Variants in NWD2 observed in about 807,000 individuals in gnomAD.
The protein encoded by NWD2 is NACHT and WD repeat domain-containing protein 2.
Under a neutral mutation model 132.7 loss-of-function variants are expected in NWD2, and 37 were observed. The ratio of observed to expected loss-of-function variants is 0.28; its 90% CI spans 0.21 to 0.37. NWD2 has a LOEUF of 0.37. Among genes scored for constraint, NWD2 ranks in the 10% least tolerant of loss-of-function variants. The pLI, the probability that NWD2 is intolerant of heterozygous loss-of-function variation, is 1.00. For missense variants in NWD2, 1,592 were observed against 2,122.4 expected, an observed-to-expected ratio of 0.75 and a Z score of 4.91; for synonymous variants, 705 against 803.0, an observed-to-expected ratio of 0.88 and a Z score of 2.06.
At position 37,344,387 on chromosome 4, in the gene NWD2, A is replaced by G. The variant is rs925928398; in HGVS notation, c.241-11979A>G. Among the ~76,000 whole-genome samples, 4 of 152,160 alleles carry G rather than the reference A, an allele frequency of 2.6e-5. No individual in the cohort carries two copies. In the East Asian group the frequency reaches 5.8e-4, roughly 22 times the overall value. ...TTCCCATAAAGACATATGGGAAAGAACAATTTAAGGGAGAAAAGCTGGAGG... is the reference window on the plus strand; with the variant it reads ...TTCCCATAAAGACATATGGGAAAGAGCAATTTAAGGGAGAAAAGCTGGAGG... On this transcript the variant is annotated intron_variant, in intron 2 of 6. Transcript: ENST00000309447.
intron 1 of NWD2, among the ~76,000 whole-genome samples, chr4:37,268,852 T>C (rs1270007493): frequency 6.6e-6 from 1 of 151,772 alleles, no homozygotes; most frequent in African/African-American, 2.4e-5. Context: ...AAGAGGCAAG[T>C]AAGTGGGCCA....
Position 37,444,752 on chromosome 4 carries a change from G to C in NWD2, c.2764G>C (p.Val922Leu). The C allele has an allele frequency of 5.2e-6, 8 of 1,551,930 alleles. No individual in the cohort carries two copies. The highest frequency in any genetic ancestry group is 7.0e-6 in the Non-Finnish European group (8 of 1,147,056). Residue 922 changes from valine (V) to leucine (L), a missense_variant, in exon 7 of 7, where the codon GTA (valine) becomes CTA (leucine). This residue lies in a region of NWD2 where 1,071 missense variants were observed against 1,398.0 expected (regional missense o/e 0.77). Transcript: ENST00000309447. This position sits in a 1 kb window ranked among gnomAD's most constrained non-coding sequence, Gnocchi z 4.8. ...GCTTCAGCAAAGACTGCTGCCTGTT[G>C]TAAGCTCCCTGCCCAAACTTAGACA... Reference protein sequence around the residue: ...AELQQRLLPVVSSLPKLRHLL... With the variant: ...AELQQRLLPVLSSLPKLRHLL...
intron 3 of NWD2, among the ~76,000 whole-genome samples, chr4:37,395,599 A>G (rs1720772548): frequency 6.7e-6 from 1 of 148,322 alleles, no homozygotes; most frequent in Non-Finnish European, 1.5e-5. Flanking sequence ...AAAAAAAAAA[A>G]AAAAAAAAAA....
intron 3 of NWD2, among the ~76,000 whole-genome samples, chr4:37,423,877 T>C (rs1711900921): frequency 6.6e-6 from 1 of 152,232 alleles, no homozygotes; most frequent in Admixed American, 6.5e-5. Flanking sequence ...AATTGACTTG[T>C]AATTTACTTC....
intron 1 of NWD2, 30 bp downstream of exon 1, chr4:37,245,248 G>C: frequency 6.6e-7 from 1 of 1,509,776 alleles, no homozygotes; most frequent in Non-Finnish European, 8.8e-7. Context: ...TTGCCCGTCC[G>C]TCCTTCTGTC....
chr4:37,345,456 CT>C (rs1230918681), intron 2 of NWD2, among the ~76,000 whole-genome samples: 1 of 152,096 alleles, frequency 6.6e-6, no homozygotes, highest in Non-Finnish European at 1.5e-5. Context: ...TTACTGATAA[CT>C]AATAATATTA....
intron 3 of NWD2, among the ~76,000 whole-genome samples, chr4:37,361,071 A>G (rs113694909): frequency 0.024 from 3,670 of 152,312 alleles, 55 homozygotes; most frequent in South Asian, 0.054. Context: ...CACAAACTAG[A>G]AAATCTAGAG....
intron 1 of NWD2, among the ~76,000 whole-genome samples, chr4:37,285,338 G>A (rs1718209790): frequency 6.6e-6 from 1 of 152,176 alleles, no homozygotes; most frequent in East Asian, 1.9e-4. Context: ...CTTTGGAATT[G>A]TTAGAGAAAA....
At chr4:37,395,023 G>C (rs1365451710) in intron 3 of NWD2, among the ~76,000 whole-genome samples, 1 of 151,072 alleles carries the variant, frequency 6.6e-6, no homozygotes, top group African/African-American at 2.4e-5. Context: ...ATGTTGGCCA[G>C]ACTGGTCTCA....
intron 2 of NWD2, among the ~76,000 whole-genome samples, chr4:37,347,290 T>C (rs1719656057): frequency 6.6e-6 from 1 of 152,140 alleles, no homozygotes; most frequent in South Asian, 2.1e-4. Flanking sequence ...TTCTGCTGTT[T>C]CTAGGTAGAT....
At chr4:37,409,262 A>G (rs975654007) in intron 3 of NWD2, among the ~76,000 whole-genome samples, 2 of 152,180 alleles carry the variant, frequency 1.3e-5, no homozygotes, top group South Asian at 4.2e-4. Context: ...AAAACCTTGA[A>G]AAAAGGTTAG....
intron 3 of NWD2, among the ~76,000 whole-genome samples, chr4:37,362,967 A>C (rs1720010745): frequency 6.6e-6 from 1 of 152,170 alleles, no homozygotes; most frequent in Non-Finnish European, 1.5e-5. Context: ...TGGAAGAAGC[A>C]AAAAAGACCA....
chr4:37,383,559 C>T (rs892350975), intron 3 of NWD2, among the ~76,000 whole-genome samples: 1 of 152,104 alleles, frequency 6.6e-6, no homozygotes, highest in East Asian at 1.9e-4. Context: ...GTTCTGATCT[C>T]GTAGGTTTCT....
Position 37,244,934 on chromosome 4 carries a change from C to G in NWD2, c.-134C>G. The G allele has an allele frequency of 8.3e-7, 1 of 1,208,778 alleles. No individual in the cohort carries two copies. Among genetic ancestry groups the G allele is most frequent in the Non-Finnish European group, 1.1e-6 (1 of 895,504 alleles). The allele number at this position is 1,208,778 out of a possible 1,614,324, so 74.9% of individuals were successfully genotyped here. A position where few individuals can be genotyped will look rare whatever the true frequency, so the allele number is the denominator to read the frequency against. On this transcript the variant is annotated 5_prime_UTR_variant, in exon 1 of 7. Transcript: ENST00000309447. This position sits in a 1 kb window ranked among gnomAD's most constrained non-coding sequence, Gnocchi z 5.5. Reference sequence around the variant, plus strand: ...GCCACGGAGCTCGCCAAAGGCGCTTCGGGCTCGGAGCGGCTCTGAGCCGCG... The same window carrying G: ...GCCACGGAGCTCGCCAAAGGCGCTTGGGGCTCGGAGCGGCTCTGAGCCGCG...
chr4:37,413,478 C>G (rs1721203300), intron 3 of NWD2, among the ~76,000 whole-genome samples: 1 of 152,128 alleles, frequency 6.6e-6, no homozygotes, highest in Non-Finnish European at 1.5e-5. Flanking sequence ...ACAACAGATG[C>G]TGGAGAGGAT....
chr4:37,329,477 C>A (rs557134487), intron 2 of NWD2, among the ~76,000 whole-genome samples: 4 of 152,054 alleles, frequency 2.6e-5, no homozygotes, highest in Admixed American at 6.6e-5. Flanking sequence ...GCAAGTCATG[C>A]GGATGTCTGG....
intron 3 of NWD2, among the ~76,000 whole-genome samples, chr4:37,395,188 C>T (rs1195627321): frequency 6.6e-6 from 1 of 151,908 alleles, no homozygotes; most frequent in East Asian, 1.9e-4. Flanking sequence ...ATGTGGAGGG[C>T]CACACAGCCT....
At chr4:37,421,237 C>T (rs1711799021) in intron 3 of NWD2, among the ~76,000 whole-genome samples, 1 of 152,198 alleles carries the variant, frequency 6.6e-6, no homozygotes, top group South Asian at 2.1e-4. Flanking sequence ...AATCCTTACA[C>T]ATTTCACAGT....
chr4:37,349,897 T>G (rs1386403896), intron 2 of NWD2, among the ~76,000 whole-genome samples: 1 of 152,250 alleles, frequency 6.6e-6, no homozygotes, highest in Non-Finnish European at 1.5e-5. Context: ...TTCAGTTTTC[T>G]GCATATGGCT....
Sources: allele counts gnomAD v4.1 joint callset (sites outside exome capture counted in the v4.1 genomes callset), GRCh38; gene constraint gnomAD v4.1.1; regional missense constraint gnomAD v4.1.1; non-coding constraint Gnocchi (gnomAD v3.1); transcripts MANE v1.5; gene names NCBI Gene and HGNC (gene_info 2026-07-23, HGNC 2026-07-21).